The following UGT1A10 variants were observed in gnomAD, a reference collection of about 807,000 sequenced individuals.
UGT1A10 encodes UDP glucuronosyltransferase family 1 member A10.
UGT1A10 carries 49 observed loss-of-function variants against 45.8 expected under a neutral mutation model. The ratio of observed to expected loss-of-function variants is 1.07; its 90% CI spans 0.85 to 1.36. UGT1A10 has a LOEUF of 1.36. Ranked by LOEUF, UGT1A10 falls within the 40% of genes most tolerant of loss-of-function variation. The pLI, the probability that UGT1A10 is intolerant of heterozygous loss-of-function variation, is 0.00. For missense variants in UGT1A10, 745 were observed against 668.6 expected (o/e 1.11, Z -1.26); for synonymous variants, 284 against 249.7 (o/e 1.14, Z -1.29).
intron 1 of UGT1A10, among the ~76,000 whole-genome samples, chr2:233,666,092 T>G (rs1157584556): frequency 1.3e-5 from 2 of 152,208 alleles, no homozygotes; most frequent in Non-Finnish European, 2.9e-5. Context: ...TCAGGCTACT[T>G]CCACTCATGG....
intron 1 of UGT1A10, chr2:233,747,282 G>A: frequency 6.2e-7 from 1 of 1,600,800 alleles, no homozygotes; most frequent in Non-Finnish European, 8.5e-7. Context: ...TCAGTGCCCA[G>A]CCCTGGGCTG....
rs758454924 is a variant in UGT1A10 at position 233,772,344 on chromosome 2, G to A, written c.1378G>A (p.Glu460Lys). The change falls in exon 5 of 5, where the codon GAG becomes AAG. Residue 460 changes from glutamate (E) to lysine (K), a missense_variant. Physicochemically the swap from Glu to Lys is moderately conservative, Grantham distance 56 (BLOSUM62 1). Transcript: ENST00000344644. ...EPLDLAVFWV[E>K]FVMRHKGAPH... ...GCTGGACCTGGCCGTGTTCTGGGTG[G>A]AGTTTGTGATGAGGCACAAGGGCGC... is the stretch of plus-strand genomic sequence containing the variant. 6.2e-7 allele frequency: 1 copy of A among 1,614,240 alleles called. No homozygotes were observed. The highest frequency in any genetic ancestry group is 2.2e-5 in the East Asian group (1 of 44,884).
intron 1 of UGT1A10, among the ~76,000 whole-genome samples, chr2:233,685,550 T>C (rs1451608117): frequency 1.3e-5 from 2 of 152,224 alleles, no homozygotes; most frequent in Non-Finnish European, 2.9e-5. Flanking sequence ...CTGTTTTTGA[T>C]CCAAATTCAA....
chr2:233,760,371 G>A, intron 1 of UGT1A10: 1 of 1,614,158 alleles, frequency 6.2e-7, no homozygotes, highest in Non-Finnish European at 8.5e-7. Flanking sequence ...CCCATGCTGG[G>A]AAGATACTGT....
At chr2:233,678,615 C>T (rs990836815) in intron 1 of UGT1A10, among the ~76,000 whole-genome samples, 1 of 152,168 alleles carries the variant, frequency 6.6e-6, no homozygotes, top group African/African-American at 2.4e-5. Context: ...GGGTTCATGT[C>T]TTAATAGAAG....
At chr2:233,672,020 T>A (rs763118975) in intron 1 of UGT1A10, 1 of 1,614,156 alleles carries the variant, frequency 6.2e-7, no homozygotes, top group East Asian at 2.2e-5. Context: ...GGGAAGCTAC[T>A]GGTAGTGCCC....
At chr2:233,754,954 C>A (rs761740156) in intron 1 of UGT1A10, 10 of 1,315,520 alleles carry the variant, frequency 7.6e-6, no homozygotes, top group Non-Finnish European at 9.2e-6. Flanking sequence ...GGGTCCCGGC[C>A]GCCAAAGAAC....
At chr2:233,672,160 A>G in intron 1 of UGT1A10, 1 of 1,614,178 alleles carries the variant, frequency 6.2e-7, no homozygotes. Context: ...CACAGTGAAG[A>G]CTTATTCAAC....
At chr2:233,655,760 C>T (rs1227972304) in intron 1 of UGT1A10, among the ~76,000 whole-genome samples, 1 of 152,130 alleles carries the variant, frequency 6.6e-6, no homozygotes, top group African/African-American at 2.4e-5. Context: ...CACAGAGCCC[C>T]ATCCCTGCAA....
intron 1 of UGT1A10, among the ~76,000 whole-genome samples, chr2:233,706,502 G>A (rs2075911233): frequency 6.6e-6 from 1 of 152,232 alleles, no homozygotes; most frequent in Non-Finnish European, 1.5e-5. Context: ...AGGCTGGTGT[G>A]ATGCTGAGGA....
rs145424374 is a variant in UGT1A10, at chr2:233,682,031, C to T, written c.855+44654C>T. On this transcript the variant is annotated intron_variant, in intron 1 of 4. Coordinates refer to ENST00000344644, the MANE Select transcript of UGT1A10 (RefSeq NM_019075.4). Reference sequence around the variant, plus strand: ...CAAGGCAGGGAAGCTGCTGGTAGTGCCCATGGATGGGAGCCACTGGTTCAC... The same window carrying T: ...CAAGGCAGGGAAGCTGCTGGTAGTGTCCATGGATGGGAGCCACTGGTTCAC... 75 of 1,613,956 alleles carry T rather than the reference C, an allele frequency of 4.6e-5. 1 individual carries two copies. Among genetic ancestry groups the T allele is most frequent in the South Asian group, 1.8e-4 (16 of 91,084 alleles).
chr2:233,720,069 G>C (rs12463641), intron 1 of UGT1A10, among the ~76,000 whole-genome samples: 12,192 of 152,216 alleles, frequency 0.08, 620 homozygotes, highest in East Asian at 0.2. Flanking sequence ...CAGTAAATTA[G>C]AATTGTGGAC....
chr2:233,757,608 A>G (rs1273740652), intron 1 of UGT1A10, among the ~76,000 whole-genome samples: 6 of 144,098 alleles, frequency 4.2e-5, no homozygotes, highest in Non-Finnish European at 9.0e-5. Flanking sequence ...AGATATGCAA[A>G]CTGCTAAAAG....
intron 1 of UGT1A10, among the ~76,000 whole-genome samples, chr2:233,663,572 C>A (rs1367619902): frequency 6.6e-6 from 1 of 152,044 alleles, no homozygotes; most frequent in Non-Finnish European, 1.5e-5. Context: ...AATCTCGTAA[C>A]CTCCATCTGC....
At chr2:233,661,682 T>TCTTTCTTTCTTTCTTTC (rs1559329471) in intron 1 of UGT1A10, among the ~76,000 whole-genome samples, 1 of 150,256 alleles carries the variant, frequency 6.7e-6, no homozygotes, top group Admixed American at 6.7e-5. Context: ...TTTCTTTCTT[T>TCTTTCTTTCTTTCTTTC]TTAAACAAAG....
At chr2:233,640,053 T>C (rs764269241) in intron 1 of UGT1A10, among the ~76,000 whole-genome samples, 1 of 152,184 alleles carries the variant, frequency 6.6e-6, no homozygotes, top group African/African-American at 2.4e-5. Flanking sequence ...GGATAGGATG[T>C]GGTTACAGAG....
chr2:233,761,161 G>A lies in UGT1A10; in HGVS notation c.856-5873G>A, dbSNP rs1276914496. ...AAATCCACTATCCCAGGTGTGTATT[G>A]GAGTGGGACTTTTACATGCGTATAT... is the stretch of plus-strand genomic sequence containing the variant. On this transcript the variant is annotated intron_variant, in intron 1 of 4. Transcript: ENST00000344644. The A allele has an allele frequency of 6.2e-7, 1 of 1,614,176 alleles. No homozygotes were observed. The highest frequency in any genetic ancestry group is 1.7e-5 in the Admixed American group (1 of 60,028).
At chr2:233,700,348 T>C (rs1340471212) in intron 1 of UGT1A10, among the ~76,000 whole-genome samples, 1 of 152,336 alleles carries the variant, frequency 6.6e-6, no homozygotes, top group East Asian at 1.9e-4. Flanking sequence ...ACCCTGTGCT[T>C]ATCTTTATGG....
intron 1 of UGT1A10, among the ~76,000 whole-genome samples, chr2:233,750,410 G>A (rs1353067232): frequency 6.6e-6 from 1 of 151,900 alleles, no homozygotes; most frequent in African/African-American, 2.4e-5. Flanking sequence ...CTGACCATGT[G>A]GTAGAAAAGA....
Sources: gnomAD v4.1 joint callset for allele counts (sites outside exome capture counted in the v4.1 genomes callset) on GRCh38, gnomAD v4.1.1 for gene constraint, MANE v1.5 for transcripts, NCBI Gene and HGNC (gene_info 2026-07-23, HGNC 2026-07-21) for gene names.